NEBL: variants seen among roughly 807,000 people sequenced by gnomAD.
NEBL encodes the protein nebulette.
In NEBL, 122 loss-of-function variants were observed where a neutral mutation model predicts 140.2. The ratio of observed to expected loss-of-function variants is 0.87; its 90% confidence interval spans 0.75 to 1.01. NEBL has a LOEUF of 1.01. Ranked by LOEUF, NEBL falls within the 50% of genes least tolerant of loss-of-function variation. The probability of loss-of-function intolerance (pLI) is 0.00; values close to 1 mark genes in which losing one functional copy is unlikely to be tolerated. For missense variants in NEBL, 1,365 were observed against 1,231.3 expected, an observed-to-expected ratio of 1.11 and a Z score of -1.62; for synonymous variants, 436 against 398.9, an observed-to-expected ratio of 1.09 and a Z score of -1.11.
intron 2 of NEBL, among the ~76,000 whole-genome samples, chr10:21,079,369 T>C (rs1168438573): frequency 6.6e-6 from 1 of 152,236 alleles, no homozygotes; most frequent in Non-Finnish European, 1.5e-5. Context: ...CTGTGATTTA[T>C]TTGGCAGGTG....
At chr10:20,793,608 C>T (rs1836221120) in intron 26 of NEBL, among the ~76,000 whole-genome samples, 1 of 150,858 alleles carries the variant, frequency 6.6e-6, no homozygotes, top group South Asian at 2.1e-4. Context: ...GGCTGGAGTG[C>T]AGTGATGCCA....
intron 26 of NEBL, among the ~76,000 whole-genome samples, chr10:20,803,371 A>G (rs1249698661): frequency 6.6e-6 from 1 of 152,200 alleles, no homozygotes; most frequent in African/African-American, 2.4e-5. Context: ...TACCTCATGC[A>G]TATGTATAAT....
chr10:21,127,563 G>GA (rs199955302), intron 2 of NEBL, among the ~76,000 whole-genome samples: 16,754 of 138,960 alleles, frequency 0.12, 988 homozygotes, highest in East Asian at 0.19. Context: ...ATCTTGCCTA[G>GA]AAAAAAAAAA....
rs1846699051 is a variant in NEBL, at chr10:20,888,208, C to T, written c.259-1G>A. The T allele has an allele frequency of 1.3e-6, 2 of 1,554,214 alleles. No homozygotes were observed. Among genetic ancestry groups the T allele is most frequent in the East Asian group, 4.5e-5 (2 of 44,308 alleles). ...CTTTAATGGTGCCTTTGTATTTTGC[C>T]TGGGGGAAAAAAAAACAGGAAAAAA... On this transcript the variant is annotated splice_acceptor_variant, in intron 3 of 27. Coordinates refer to ENST00000377122, the MANE Select transcript of NEBL (RefSeq NM_006393.3). LOFTEE classifies it high-confidence loss of function.
chr10:21,267,495 G>A (rs914141952), intron 1 of NEBL, among the ~76,000 whole-genome samples: 2 of 152,222 alleles, frequency 1.3e-5, no homozygotes, highest in Non-Finnish European at 2.9e-5. Flanking sequence ...TCGTTGTGGA[G>A]ACATGGATCA....
chr10:21,260,531 G>C (rs1362727825), intron 1 of NEBL, among the ~76,000 whole-genome samples: 1 of 152,152 alleles, frequency 6.6e-6, no homozygotes, highest in Non-Finnish European at 1.5e-5. Flanking sequence ...AACTGCCCTT[G>C]ATTGTGTGTT....
At chr10:20,868,578 TA>T in intron 7 of NEBL, 85 bp downstream of exon 7, 1 of 927,366 alleles carries the variant, frequency 1.1e-6, no homozygotes. Context: ...CAATTAAAGA[TA>T]TTATCTAAAA....
intron 1 of NEBL, among the ~76,000 whole-genome samples, chr10:21,255,031 G>A (rs1564550567): frequency 6.6e-6 from 1 of 152,124 alleles, no homozygotes; most frequent in Non-Finnish European, 1.5e-5. Context: ...CTGCCTTGGA[G>A]GCCATAGGAC....
At chr10:21,083,713 C>T (rs1003321977) in intron 2 of NEBL, among the ~76,000 whole-genome samples, 1 of 152,240 alleles carries the variant, frequency 6.6e-6, no homozygotes, top group Non-Finnish European at 1.5e-5. Context: ...GGCGTGGTTG[C>T]GTGCAGCTGT....
At chr10:20,921,509 C>T (rs1477225684) in intron 4 of NEBL, among the ~76,000 whole-genome samples, 5 of 152,170 alleles carry the variant, frequency 3.3e-5, no homozygotes, top group African/African-American at 9.7e-5. Flanking sequence ...CCAATAGCCT[C>T]ATCCTCACAA....
At chr10:21,041,293 G>A (rs963016818) in intron 2 of NEBL, among the ~76,000 whole-genome samples, 1 of 152,086 alleles carries the variant, frequency 6.6e-6, no homozygotes, top group Non-Finnish European at 1.5e-5. Flanking sequence ...ACTTATGAAG[G>A]AGAACATGCG....
chr10:20,812,545 C>A lies in NEBL; in HGVS notation c.2518+224G>T, dbSNP rs1204463435. On this transcript the variant is annotated intron_variant, in intron 24 of 27. Transcript: ENST00000377122. Reference sequence around the variant, plus strand: ...CTTAAAATTAGCAAGGTATTAAAGACAGAGCTTCCAATAATAGAAAAGACT... The same window carrying A: ...CTTAAAATTAGCAAGGTATTAAAGAAAGAGCTTCCAATAATAGAAAAGACT... 2.0e-5 allele frequency among the ~76,000 whole-genome samples: 3 copies of A among 146,746 alleles called. No homozygotes were observed. In the East Asian group the frequency reaches 6.3e-4, roughly 31 times the overall value.
At chr10:20,790,760 G>A (rs1034938441) in intron 26 of NEBL, among the ~76,000 whole-genome samples, 1 of 152,062 alleles carries the variant, frequency 6.6e-6, no homozygotes, top group Non-Finnish European at 1.5e-5. Context: ...GGAAACTTAG[G>A]TAAATAAAAC....
At chr10:21,177,535 CT>C (rs541092301), upstream of NEBL, among the ~76,000 whole-genome samples, 260 of 144,682 alleles carry the variant, frequency 1.8e-3, no homozygotes, top group Middle Eastern at 3.5e-3. Flanking sequence ...TTTATTTTTC[CT>C]TTTTTTTTTT....
intron 2 of NEBL, chr10:21,029,761 C>T (rs1452269970): frequency 3.7e-5 from 29 of 775,616 alleles, no homozygotes; most frequent in Non-Finnish European, 4.4e-5. Context: ...ATATGGCTGG[C>T]GGTAGGGATC....
At chr10:20,788,065 A>C (rs1238571567) in intron 26 of NEBL, among the ~76,000 whole-genome samples, 1 of 152,212 alleles carries the variant, frequency 6.6e-6, no homozygotes. Flanking sequence ...TGACATTCAA[A>C]AGGCATAGTT....
At chr10:21,071,499 AT>A (rs1835816310) in intron 2 of NEBL, among the ~76,000 whole-genome samples, 1 of 152,216 alleles carries the variant, frequency 6.6e-6, no homozygotes, top group Non-Finnish European at 1.5e-5. Context: ...AAAATGGGAC[AT>A]CTGGCAAAGA....
At chr10:21,024,420 A>G (rs931074840) in intron 2 of NEBL, among the ~76,000 whole-genome samples, 2 of 152,070 alleles carry the variant, frequency 1.3e-5, no homozygotes, top group African/African-American at 2.4e-5. Flanking sequence ...ACTACCAGGG[A>G]TCATGAGAAC....
At chr10:21,162,638 A>G (rs540045471) in intron 2 of NEBL, among the ~76,000 whole-genome samples, 4 of 152,330 alleles carry the variant, frequency 2.6e-5, no homozygotes, top group African/African-American at 9.6e-5. Context: ...CTCCCACTCC[A>G]GGCTGAGAAT....
Sources: allele counts gnomAD v4.1 joint callset (sites outside exome capture counted in the v4.1 genomes callset), GRCh38; gene constraint gnomAD v4.1.1; transcripts MANE v1.5; gene names NCBI Gene and HGNC (gene_info 2026-07-23, HGNC 2026-07-21).